JPH3: variants seen among roughly 807,000 people sequenced by gnomAD.
JPH3 encodes the protein junctophilin-3.
In JPH3, 11 loss-of-function variants were observed where a neutral mutation model predicts 59.6. The observed-to-expected ratio is 0.18, with a 90% CI of 0.12 to 0.31. JPH3 has a LOEUF of 0.31. Among genes scored for constraint, JPH3 ranks in the 10% least tolerant of loss-of-function variants. The pLI, the probability that JPH3 is intolerant of heterozygous loss-of-function variation, is 1.00. For synonymous variants in JPH3, 673 were observed against 483.6 expected (o/e 1.39, Z -5.14); for missense variants, 1,202 against 1,105.7 (o/e 1.09, Z -1.24).
At chr16:87,664,070 G>A (rs965939308) in intron 2 of JPH3, among the ~76,000 whole-genome samples, 1 of 151,924 alleles carries the variant, frequency 6.6e-6, no homozygotes, top group Admixed American at 6.6e-5. Flanking sequence ...GGTGGCTCAC[G>A]CCTGTAATCC....
chr16:87,641,183 G>T (rs924875354), intron 1 of JPH3, among the ~76,000 whole-genome samples: 1 of 152,208 alleles, frequency 6.6e-6, no homozygotes, highest in African/African-American at 2.4e-5. Context: ...AAGGTGTGCA[G>T]TGGTGTTGTG....
intron 2 of JPH3, among the ~76,000 whole-genome samples, chr16:87,670,067 A>C (rs1391534488): frequency 6.6e-6 from 1 of 152,084 alleles, no homozygotes; most frequent in East Asian, 1.9e-4. Context: ...TGGGGATTCC[A>C]CGGTGCCCTT....
chr16:87,690,356 A>C lies in JPH3; in HGVS notation c.1996A>C (p.Arg666=). ...RSKAQNKENF[R]PASSAEPAVQ... ...CAAGGCCCAGAACAAGGAGAACTTC[A>C]GGCCGGCCTCCTCCGCGGAGCCCGC... Residue 666 remains arginine, a synonymous_variant, in exon 4 of 5, where the codon AGG becomes CGG. Transcript: ENST00000284262. 1.3e-6 allele frequency: 2 copies of C among 1,560,838 alleles called. No homozygotes were observed. Among genetic ancestry groups the C allele is most frequent in the Non-Finnish European group, 1.7e-6 (2 of 1,155,876 alleles).
intron 2 of JPH3, among the ~76,000 whole-genome samples, chr16:87,681,322 T>A (rs1479089749): frequency 7.0e-6 from 1 of 143,336 alleles, no homozygotes; most frequent in African/African-American, 2.6e-5. Flanking sequence ...TTCCGGGAGG[T>A]CAGGTGCGCG....
At chr16:87,604,102 G>A in intron 1 of JPH3, 2 of 1,323,442 alleles carry the variant, frequency 1.5e-6, no homozygotes, top group African/African-American at 3.0e-5. Flanking sequence ...GTTGGACGCG[G>A]ACTAGCGCTG....
chr16:87,679,655 C>T (rs755119643), intron 2 of JPH3, among the ~76,000 whole-genome samples: 37 of 152,236 alleles, frequency 2.4e-4, no homozygotes, highest in African/African-American at 7.5e-4. Flanking sequence ...CGGGCTGGGT[C>T]GTGCCGGCTC....
chr16:87,620,477 AGAAGAGAGG>A (rs2031139965), intron 1 of JPH3, among the ~76,000 whole-genome samples: 3 of 110,696 alleles, frequency 2.7e-5, no homozygotes, highest in African/African-American at 1.0e-4. Flanking sequence ...AGAGAAGGAG[AGAAGAGAGG>A]GAGAGGGGGA....
chr16:87,633,527 C>T (rs55841501), intron 1 of JPH3, among the ~76,000 whole-genome samples: 11,190 of 151,554 alleles, frequency 0.074, 543 homozygotes, highest in Non-Finnish European at 0.11. Flanking sequence ...ATGGGCGGGG[C>T]GCGGTGGCTC....
chr16:87,683,339 C>T (rs935822763), intron 2 of JPH3, among the ~76,000 whole-genome samples: 8 of 151,394 alleles, frequency 5.3e-5, no homozygotes, highest in African/African-American at 1.7e-4. Context: ...GAGTCTTGCT[C>T]TGTCACCCAG....
At position 87,622,330 on chromosome 16, in the gene JPH3, CA is replaced by C. The variant is rs775925688; in HGVS notation, c.382+18803del. Among the ~76,000 whole-genome samples the C allele has an allele frequency of 3.5e-3, 532 of 152,302 alleles. 1 individual carries two copies. The highest frequency in any genetic ancestry group is 4.2e-3 in the Non-Finnish European group (288 of 68,020). On this transcript the variant is annotated intron_variant, in intron 1 of 4. Transcript: ENST00000284262. Reference sequence around the variant, plus strand: ...GGGCTTGGGTCTGAGGTCAGCTTCCCAGGGGGCACCCAAGCCTCCGTGAGCA... The same window carrying C: ...GGGCTTGGGTCTGAGGTCAGCTTCCCGGGGGCACCCAAGCCTCCGTGAGCA...
At chr16:87,687,949 C>A (rs79182950) in intron 3 of JPH3, among the ~76,000 whole-genome samples, 1 of 152,114 alleles carries the variant, frequency 6.6e-6, no homozygotes, top group South Asian at 2.1e-4. Context: ...GGAGGAGGTA[C>A]GATGTGGGTG....
At chr16:87,640,811 C>T (rs1322236471) in intron 1 of JPH3, among the ~76,000 whole-genome samples, 1 of 152,224 alleles carries the variant, frequency 6.6e-6, no homozygotes, top group Non-Finnish European at 1.5e-5. Flanking sequence ...ACAACCCTGT[C>T]CACAGCCCTG....
chr16:87,673,933 T>G (rs758117811), intron 2 of JPH3, among the ~76,000 whole-genome samples: 4 of 149,326 alleles, frequency 2.7e-5, no homozygotes, highest in Non-Finnish European at 5.9e-5. Flanking sequence ...CTCAAAAAAA[T>G]AAAATATAAA....
chr16:87,643,898 T>C (rs55964505), intron 1 of JPH3, among the ~76,000 whole-genome samples: 37,974 of 152,064 alleles, frequency 0.25, 4,863 homozygotes, highest in African/African-American at 0.3. Context: ...ACAGCACTTC[T>C]GGAGGCTGAG....
intron 1 of JPH3, among the ~76,000 whole-genome samples, chr16:87,633,306 C>G (rs745619138): frequency 1.9e-4 from 28 of 151,338 alleles, no homozygotes; most frequent in Non-Finnish European, 2.8e-4. Flanking sequence ...TCATTTTTAA[C>G]TCAGCCACCT....
intron 2 of JPH3, among the ~76,000 whole-genome samples, chr16:87,649,271 C>T (rs1234601416): frequency 1.3e-5 from 2 of 152,224 alleles, no homozygotes; most frequent in African/African-American, 4.8e-5. Context: ...CCCCATCCTG[C>T]CGTGTCGCCT....
At chr16:87,656,471 C>T (rs1239235500) in intron 2 of JPH3, among the ~76,000 whole-genome samples, 2 of 152,228 alleles carry the variant, frequency 1.3e-5, no homozygotes, top group Admixed American at 1.3e-4. Context: ...CCCGGTATGT[C>T]TGCAACGACG....
intron 2 of JPH3, among the ~76,000 whole-genome samples, chr16:87,671,540 C>T (rs988087666): frequency 1.1e-4 from 17 of 152,286 alleles, no homozygotes; most frequent in African/African-American, 4.1e-4. Flanking sequence ...GACCACCAGG[C>T]CCTAATAGCA....
At chr16:87,646,893 C>A (rs567510172) in intron 2 of JPH3, among the ~76,000 whole-genome samples, 13 of 152,254 alleles carry the variant, frequency 8.5e-5, no homozygotes, top group Non-Finnish European at 1.5e-4. Context: ...GTCTGTAGGA[C>A]TGGGGGGACC....
Sources: gnomAD v4.1 joint callset for allele counts (sites outside exome capture counted in the v4.1 genomes callset) on GRCh38, gnomAD v4.1.1 for gene constraint, MANE v1.5 for transcripts, NCBI Gene and HGNC (gene_info 2026-07-23, HGNC 2026-07-21) for gene names.